The following DIP2C variants were observed in gnomAD, a reference collection of about 807,000 sequenced individuals.
The protein encoded by DIP2C is disco-interacting protein 2 homolog C.
In DIP2C, 33 loss-of-function variants were observed where a neutral mutation model predicts 192.4. The observed-to-expected ratio is 0.17, with a 90% CI of 0.13 to 0.23. The LOEUF is 0.23. Among genes scored for constraint, DIP2C ranks in the 10% least tolerant of loss-of-function variants. The pLI is 1.00. For synonymous variants in DIP2C, 979 were observed against 864.1 expected (o/e 1.13, Z -2.33); for missense variants, 1,537 against 2,110.1 (o/e 0.73, Z 5.32).
chr10:392,828 ACACGCC>A (rs988285647), intron 10 of DIP2C, among the ~76,000 whole-genome samples: 2 of 148,750 alleles, frequency 1.3e-5, no homozygotes, highest in Admixed American at 6.6e-5. Context: ...ACACACACAC[ACACGCC>A]CACGCACACA....
Position 357,821 on chromosome 10 carries a change from C to T in DIP2C, c.2904+7G>A, listed in dbSNP as rs372560803. 2 of 1,609,146 alleles carry T rather than the reference C, an allele frequency of 1.2e-6. No homozygotes were observed. The highest frequency in any genetic ancestry group is 2.7e-5 in the African/African-American group (2 of 74,822). On this transcript the variant is annotated splice_region_variant and intron_variant, in intron 23 of 36. Coordinates refer to ENST00000280886, the MANE Select transcript of DIP2C (RefSeq NM_014974.3). ...CGGTCGGGGAGACTCAGGGACCCAG[C>T]TCCTACCTTGCGTGCCTGGTCGTTA...
intron 3 of DIP2C, among the ~76,000 whole-genome samples, chr10:444,907 G>A (rs369768240): frequency 8.5e-5 from 13 of 152,156 alleles, no homozygotes; most frequent in Non-Finnish European, 1.0e-4. Context: ...TCTTTTACAC[G>A]GACACACATT....
chr10:559,983 T>C (rs1849115508), intron 1 of DIP2C, among the ~76,000 whole-genome samples: 2 of 126,764 alleles, frequency 1.6e-5, no homozygotes, highest in South Asian at 3.1e-4. Flanking sequence ...CCACTCCTGT[T>C]CTCCTCTCCC....
chr10:486,636 CAT>C (rs1844039085), intron 1 of DIP2C, 106 bp from the exon 2 acceptor site: 1 of 925,140 alleles, frequency 1.1e-6, no homozygotes. Context: ...CTGTGTGCCT[CAT>C]TGTTAGAATT....
chr10:457,591 T>A (rs911516537), intron 3 of DIP2C, among the ~76,000 whole-genome samples: 3 of 152,238 alleles, frequency 2.0e-5, no homozygotes, highest in African/African-American at 7.2e-5. Context: ...GGTCTCACTC[T>A]GTCACCCAGA....
chr10:392,738 GCACA>G (rs10543843), intron 10 of DIP2C, among the ~76,000 whole-genome samples: 82,361 of 150,376 alleles, frequency 0.55, 22,664 homozygotes, highest in East Asian at 0.74. Flanking sequence ...GTACACACGC[GCACA>G]CACTCACATA....
chr10:472,606 G>A (rs1407598569), intron 2 of DIP2C, 57 bp from the exon 3 acceptor site: 44 of 1,446,488 alleles, frequency 3.0e-5, no homozygotes, highest in Non-Finnish European at 4.0e-5. Context: ...GGAGTCAGCA[G>A]ACTCTAACAA....
chr10:370,494 CCT>C (rs1309175752), intron 17 of DIP2C, among the ~76,000 whole-genome samples: 2 of 152,226 alleles, frequency 1.3e-5, no homozygotes, highest in Non-Finnish European at 2.9e-5. Flanking sequence ...ACAGCACACA[CCT>C]CTGACTACCT....
At chr10:449,819 C>T (rs1589823046) in intron 3 of DIP2C, among the ~76,000 whole-genome samples, 1 of 149,630 alleles carries the variant, frequency 6.7e-6, no homozygotes, top group East Asian at 1.9e-4. Context: ...CATTCAGTTA[C>T]CTAATTCCAT....
chr10:526,805 C>T (rs191135801), intron 1 of DIP2C, among the ~76,000 whole-genome samples: 28 of 152,278 alleles, frequency 1.8e-4, no homozygotes, highest in African/African-American at 6.5e-4. Flanking sequence ...TCCTCCGTCC[C>T]GCCAGCACCA....
chr10:671,766 G>C (rs112966503), intron 1 of DIP2C, among the ~76,000 whole-genome samples: 2 of 128,562 alleles, frequency 1.6e-5, no homozygotes. Context: ...CACGGACGGA[G>C]GAAACGCCAC....
At chr10:573,770 A>G (rs530088023) in intron 1 of DIP2C, among the ~76,000 whole-genome samples, 117 of 152,300 alleles carry the variant, frequency 7.7e-4, no homozygotes, top group African/African-American at 2.8e-3. Context: ...GTACTTAAAA[A>G]AAAAGAACAA....
At chr10:288,554 G>A (rs183755625) in intron 32 of DIP2C, 133 bp from the exon 33 acceptor site, 120 of 910,670 alleles carry the variant, frequency 1.3e-4, no homozygotes, top group Admixed American at 4.9e-4. Context: ...CAGCAAGGAC[G>A]AAGCTGCAGA....
chr10:422,533 G>C (rs561997771), intron 5 of DIP2C, among the ~76,000 whole-genome samples: 1 of 152,294 alleles, frequency 6.6e-6, no homozygotes, highest in South Asian at 2.1e-4. Context: ...CCTGTTGATT[G>C]GGACTGTTAA....
At chr10:309,914 A>T in intron 32 of DIP2C, 117 bp downstream of exon 32, 1 of 998,656 alleles carries the variant, frequency 1.0e-6, no homozygotes, top group Non-Finnish European at 1.5e-6. Context: ...TGAGACAGTT[A>T]CACTCTGGGC....
intron 22 of DIP2C, 79 bp from the exon 23 acceptor site, chr10:358,016 C>A: frequency 9.2e-7 from 1 of 1,082,654 alleles, no homozygotes; most frequent in East Asian, 2.5e-5. Flanking sequence ...TTGGTAAAGA[C>A]CTTACTCTCG....
At chr10:288,977 G>A (rs112030765) in intron 32 of DIP2C, among the ~76,000 whole-genome samples, 1 of 152,354 alleles carries the variant, frequency 6.6e-6, no homozygotes, top group Non-Finnish European at 1.5e-5. Context: ...GAACTGCCAA[G>A]GACATCGCAG....
chr10:483,163 C>T (rs1028832367), intron 2 of DIP2C, among the ~76,000 whole-genome samples: 9 of 152,198 alleles, frequency 5.9e-5, no homozygotes, highest in African/African-American at 1.4e-4. Flanking sequence ...TTCTGCATCC[C>T]AAACAACATC....
intron 24 of DIP2C, among the ~76,000 whole-genome samples, chr10:354,655 G>C (rs1958990421): frequency 6.6e-6 from 1 of 152,148 alleles, no homozygotes; most frequent in South Asian, 2.1e-4. Context: ...CAGGGAGACT[G>C]AGAGCTGACT....
Sources: allele counts gnomAD v4.1 joint callset (sites outside exome capture counted in the v4.1 genomes callset), GRCh38; gene constraint gnomAD v4.1.1; transcripts MANE v1.5; gene names NCBI Gene and HGNC (gene_info 2026-07-23, HGNC 2026-07-21).